The following TP53BP2 variants were observed in gnomAD, a reference collection of about 807,000 sequenced individuals.
The protein encoded by TP53BP2 is tumor protein p53 binding protein 2, also known as apoptosis-stimulating of p53 protein 2.
A neutral mutation model predicts 126.2 loss-of-function variants in TP53BP2; 62 were observed. The observed-to-expected ratio is 0.49, with a 90% CI of 0.40 to 0.61. The LOEUF (loss-of-function observed/expected upper bound fraction) is 0.61. TP53BP2 is among the 20% of genes least tolerant of loss of function. TP53BP2 has a pLI of 0.00. For missense variants in TP53BP2, 1,215 were observed against 1,402.8 expected (o/e 0.87, Z 2.14); for synonymous variants, 485 against 502.9 (o/e 0.96, Z 0.48).
Position 223,780,809 on chromosome 1 carries a change from AAC to A in TP53BP2, c.*42_*43del. On this transcript the variant is annotated 3_prime_UTR_variant, in exon 18 of 18. Transcript: ENST00000343537. The stretch of plus-strand genomic sequence containing the variant: ...AAAAATAATCGTATTACTTCTTCTT[AAC>A]AGAGATTAATTCTTCATTGACTAAA... 6.3e-7 allele frequency: 1 copy of A among 1,598,228 alleles called. No individual in the cohort carries two copies. Among genetic ancestry groups the A allele is most frequent in the Non-Finnish European group, 8.5e-7 (1 of 1,172,372 alleles).
chr1:223,809,745 G>C (rs925393218), intron 4 of TP53BP2, among the ~76,000 whole-genome samples: 2 of 152,078 alleles, frequency 1.3e-5, no homozygotes, highest in African/African-American at 4.8e-5. Flanking sequence ...TAAAAATAGT[G>C]ACCGCTGAAA....
intron 17 of TP53BP2, among the ~76,000 whole-genome samples, chr1:223,783,719 T>C (rs1198535263): frequency 6.6e-6 from 1 of 152,252 alleles, no homozygotes; most frequent in African/African-American, 2.4e-5. Flanking sequence ...TTTCTTGCTT[T>C]TTATGAAATA....
chr1:223,800,458 G>A (rs2102850625), intron 10 of TP53BP2, among the ~76,000 whole-genome samples: 1 of 152,264 alleles, frequency 6.6e-6, no homozygotes. Flanking sequence ...GCATGCACCT[G>A]TAGTACCAGC....
intron 4 of TP53BP2, 50 bp from the exon 5 acceptor site, chr1:223,806,997 C>A (rs1226770113): frequency 7.2e-7 from 1 of 1,398,482 alleles, no homozygotes; most frequent in Admixed American, 1.8e-5. Flanking sequence ...TATAAAACTA[C>A]CACAGAGATT....
chr1:223,821,095 T>C, intron 2 of TP53BP2, 125 bp downstream of exon 2: 2 of 1,221,400 alleles, frequency 1.6e-6, no homozygotes, highest in Non-Finnish European at 2.3e-6. Flanking sequence ...ACACTATTTC[T>C]GCCGGACGTG....
intron 16 of TP53BP2, 58 bp downstream of exon 16, chr1:223,788,950 G>C: frequency 1.3e-6 from 2 of 1,548,220 alleles, no homozygotes; most frequent in South Asian, 2.3e-5. Flanking sequence ...ATTATACCCT[G>C]GAGATACAGA....
Position 223,820,163 on chromosome 1 carries a change from G to A in TP53BP2, c.175+1057C>T, listed in dbSNP as rs185632122. 4.6e-3 allele frequency among the ~76,000 whole-genome samples: 707 copies of A among 152,304 alleles called. 2 individuals are homozygous for A. Among genetic ancestry groups the A allele is most frequent in the African/African-American group, 0.016 (661 of 41,554 alleles). Reference sequence around the variant, plus strand: ...GGAGACAGAGCAATACAAACAGTGGGAATGGCTATCACCAATGACTCTAAG... The same window carrying A: ...GGAGACAGAGCAATACAAACAGTGGAAATGGCTATCACCAATGACTCTAAG... On this transcript the variant is annotated intron_variant, in intron 2 of 17. Coordinates refer to ENST00000343537, the MANE Select transcript of TP53BP2 (RefSeq NM_001031685.3).
In TP53BP2 at chr1:223,796,615, G is replaced by T; in HGVS notation, c.1949-25C>A. On this transcript the variant is annotated intron_variant, in intron 12 of 17. Coordinates refer to ENST00000343537, the MANE Select transcript of TP53BP2 (RefSeq NM_001031685.3). The surrounding 1 kb of genome is among the most constrained non-coding windows in gnomAD (Gnocchi z 4.2). ...ACTAATTGGAAAAGGAAAAAAAAAAGCCCTCATTAGCATTAATTAAACAAA... is the reference window on the plus strand; with the variant it reads ...ACTAATTGGAAAAGGAAAAAAAAAATCCCTCATTAGCATTAATTAAACAAA... 6.6e-7 allele frequency: 1 copy of T among 1,508,466 alleles called. No homozygotes were observed. The highest frequency in any genetic ancestry group is 8.8e-7 in the Non-Finnish European group (1 of 1,131,858). 93.4% of individuals were successfully genotyped at this position (1,508,466 alleles called of 1,614,324 possible). A position where few individuals can be genotyped will look rare whatever the true frequency, so the allele number is the denominator to read the frequency against.
chr1:223,814,473 G>A (rs1663018149), intron 2 of TP53BP2, 120 bp from the exon 3 acceptor site: 2 of 722,200 alleles, frequency 2.8e-6, no homozygotes, highest in Admixed American at 2.8e-5. Context: ...TAGTATCTCA[G>A]GTAAATTTTT....
chr1:223,802,601 T>C (rs945360374), intron 8 of TP53BP2, 130 bp downstream of exon 8: 3 of 1,154,506 alleles, frequency 2.6e-6, no homozygotes, highest in Non-Finnish European at 3.7e-6. Context: ...CTTTTAAGGA[T>C]CCATAAACAG....
intron 13 of TP53BP2, 62 bp downstream of exon 13, chr1:223,795,753 C>A (rs1662293840): frequency 7.2e-7 from 1 of 1,380,062 alleles, no homozygotes; most frequent in Non-Finnish European, 9.5e-7. Flanking sequence ...AATGTGACCA[C>A]CAAGAAAATC....
At chr1:223,818,728 T>A (rs1369926607) in intron 2 of TP53BP2, among the ~76,000 whole-genome samples, 2 of 150,672 alleles carry the variant, frequency 1.3e-5, no homozygotes. Context: ...GTGTCCACCA[T>A]CATGCCTGGC....
chr1:223,797,118 A>G (rs1192309970), intron 12 of TP53BP2, among the ~76,000 whole-genome samples: 1 of 133,176 alleles, frequency 7.5e-6, no homozygotes, highest in Non-Finnish European at 1.5e-5. Flanking sequence ...CATTTTCACT[A>G]AAGACCCATG....
intron 16 of TP53BP2, 128 bp downstream of exon 16, chr1:223,788,879 AT>A (rs772303813): frequency 1.0e-4 from 95 of 912,358 alleles, no homozygotes; most frequent in Non-Finnish European, 1.5e-4. Context: ...AGGCTGTTGT[AT>A]TTTCAAGGCC....
rs770464006 is a variant in TP53BP2, at chr1:223,796,090, C to T, written c.2449G>A (p.Glu817Lys). 1.2e-6 allele frequency: 2 copies of T among 1,614,200 alleles called. No individual in the cohort carries two copies. The highest frequency in any genetic ancestry group is 4.5e-5 in the East Asian group (2 of 44,886). ...VSLVPESLSP[E>K]DVGNASTENS... is the part of the protein sequence containing the mutation. ...TCTGTACTGGCATTCCCCACATCCTCTGGGGACAATGATTCAGGAACCAGA... is the reference window on the plus strand; with the variant it reads ...TCTGTACTGGCATTCCCCACATCCTTTGGGGACAATGATTCAGGAACCAGA... Residue 817 changes from glutamate to lysine, a missense_variant, in exon 13 of 18, where the codon GAG becomes AAG. Physicochemically the swap from Glu to Lys is moderately conservative, Grantham distance 56. Around this residue, in one of 4 missense-constraint regions of TP53BP2, gnomAD observed 204 missense variants for 225.7 expected, o/e 0.90. Coordinates refer to ENST00000343537, the MANE Select transcript of TP53BP2 (RefSeq NM_001031685.3). This position sits in a 1 kb window ranked among gnomAD's most constrained non-coding sequence, Gnocchi z 4.2.
At chr1:223,807,604 C>T (rs1489138756) in intron 4 of TP53BP2, among the ~76,000 whole-genome samples, 1 of 149,294 alleles carries the variant, frequency 6.7e-6, no homozygotes, top group African/African-American at 2.5e-5. Context: ...CATAGCAAGA[C>T]TGCAGGATTA....
At chr1:223,809,808 G>A (rs558169065) in intron 4 of TP53BP2, among the ~76,000 whole-genome samples, 10 of 152,114 alleles carry the variant, frequency 6.6e-5, no homozygotes, top group African/African-American at 2.4e-4. Context: ...ACATGCAATA[G>A]CGAGAGTATA....
At chr1:223,817,504 T>C (rs1308162047) in intron 2 of TP53BP2, among the ~76,000 whole-genome samples, 2 of 152,162 alleles carry the variant, frequency 1.3e-5, no homozygotes, top group African/African-American at 4.8e-5. Flanking sequence ...AATGCTTGCA[T>C]AGGATCAGAA....
chr1:223,800,595 A>G, intron 10 of TP53BP2, 105 bp downstream of exon 10: 1 of 855,524 alleles, frequency 1.2e-6, no homozygotes, highest in Non-Finnish European at 1.7e-6. Context: ...TAAAAAAAAC[A>G]AAAAAAGGAA....
Sources: gnomAD v4.1 joint callset for allele counts (sites outside exome capture counted in the v4.1 genomes callset) on GRCh38, gnomAD v4.1.1 for gene constraint, gnomAD v4.1.1 regional missense constraint, Gnocchi (gnomAD v3.1) non-coding constraint, MANE v1.5 for transcripts, NCBI Gene and HGNC (gene_info 2026-07-23, HGNC 2026-07-21) for gene names.